The following SSC5D variants were observed in gnomAD, a reference collection of about 807,000 sequenced individuals.
SSC5D encodes the protein soluble scavenger receptor cysteine-rich domain-containing protein SSC5D.
In SSC5D, 106 loss-of-function variants were observed where a neutral mutation model predicts 104.6. The ratio of observed to expected loss-of-function variants is 1.01; its 90% CI spans 0.87 to 1.19. The LOEUF (loss-of-function observed/expected upper bound fraction) is 1.19, where lower values mean the gene tolerates loss of function less well. Ranked by LOEUF, SSC5D falls within the 50% of genes most tolerant of loss-of-function variation. The probability of loss-of-function intolerance (pLI) is 0.00; values close to 1 mark genes in which losing one functional copy is unlikely to be tolerated. For synonymous variants in SSC5D, 860 were observed against 883.5 expected, an observed-to-expected ratio of 0.97 and a Z score of 0.47; for missense variants, 1,993 against 2,153.8, an observed-to-expected ratio of 0.93 and a Z score of 1.48.
At chr19:55,494,517 G>A (rs1987254439) in intron 7 of SSC5D, 93 bp from the exon 8 acceptor site, 7 of 1,343,068 alleles carry the variant, frequency 5.2e-6, no homozygotes, top group Middle Eastern at 5.3e-4. Flanking sequence ...GTGCAGCTGA[G>A]AGGACTGAGG....
chr19:55,512,070 G>A (rs1987769012), intron 12 of SSC5D, among the ~76,000 whole-genome samples: 1 of 151,844 alleles, frequency 6.6e-6, no homozygotes, highest in Non-Finnish European at 1.5e-5. Context: ...CGGGCACGGT[G>A]GCTCACACCT....
rs1034054816 is a variant in SSC5D at position 55,488,544 on chromosome 19, C to G, written c.-46C>G. ...CCAGCTGCCTCCTCCTCTTCTCTCC[C>G]CGCTCTCCTTCCCCTTTCACCCCAT... is the stretch of plus-strand genomic sequence containing the variant. On this transcript the variant is annotated 5_prime_UTR_variant, in exon 1 of 14. Transcript: ENST00000389623. The G allele has an allele frequency of 3.9e-6, 6 of 1,540,240 alleles. No homozygotes were observed. Among genetic ancestry groups the G allele is most frequent in the Non-Finnish European group, 5.3e-6 (6 of 1,137,596 alleles).
At chr19:55,512,629 G>A (rs1987783701) in intron 12 of SSC5D, among the ~76,000 whole-genome samples, 1 of 151,984 alleles carries the variant, frequency 6.6e-6, no homozygotes, top group Non-Finnish European at 1.5e-5. Flanking sequence ...TTATAGGCGT[G>A]TGCCACCATA....
rs574901952 is a variant in SSC5D, at chr19:55,494,584, G to A, written c.1214-26G>A. ...CCGGGATGGAGGGTGTGTGTGGGTG[G>A]CAATCACTTACCCCCTGCTCCACAG... On this transcript the variant is annotated intron_variant, in intron 7 of 13. Coordinates refer to ENST00000389623, the MANE Select transcript of SSC5D (RefSeq NM_001144950.2). The A allele has an allele frequency of 4.0e-6, 6 of 1,485,666 alleles. No individual in the cohort carries two copies. In the South Asian group the frequency reaches 7.8e-5, roughly 19 times the overall value. The allele number at this position is 1,485,666 out of a possible 1,614,324, so 92.0% of individuals were successfully genotyped here.
rs1285047588 is a variant in SSC5D at position 55,518,645 on chromosome 19, C to T, written c.4369C>T (p.Leu1457Phe). ...HPLDHPPLDP[L>F]TLGPTPGQSP... is the part of the protein sequence containing the mutation. Reference sequence around the variant, plus strand: ...CTTGGATCATCCTCCCCTTGACCCCCTCACCCTAGGGCCAACTCCTGGTCA... The same window carrying T: ...CTTGGATCATCCTCCCCTTGACCCCTTCACCCTAGGGCCAACTCCTGGTCA... Residue 1457 changes from leucine to phenylalanine, a missense_variant, in exon 14 of 14, where the codon CTC (leucine) becomes TTC (phenylalanine). By Grantham distance (22) the Leu-to-Phe change is conservative. Coordinates refer to ENST00000389623, the MANE Select transcript of SSC5D (RefSeq NM_001144950.2). 3 of 1,536,038 alleles carry T rather than the reference C, an allele frequency of 2.0e-6. No individual in the cohort carries two copies. The highest frequency in any genetic ancestry group is 1.2e-5 in the South Asian group (1 of 81,624).
Position 55,488,570 on chromosome 19 carries a change from C to G in SSC5D, c.-20C>G. On this transcript the variant is annotated 5_prime_UTR_variant, in exon 1 of 14. The change creates a new upstream start codon in the 5' untranslated region. Transcript: ENST00000389623. ...CGCTCTCCTTCCCCTTTCACCCCATCCCCTGCCCTGGCTGCAACCATGAGG... is the reference window on the plus strand; with the variant it reads ...CGCTCTCCTTCCCCTTTCACCCCATGCCCTGCCCTGGCTGCAACCATGAGG... The G allele has an allele frequency of 6.5e-7, 1 of 1,549,814 alleles. No individual in the cohort carries two copies. The highest frequency in any genetic ancestry group is 1.7e-4 in the Middle Eastern group (1 of 5,988).
chr19:55,495,241 T>A (rs1269459338), intron 8 of SSC5D, among the ~76,000 whole-genome samples: 5,717 of 32,726 alleles, frequency 0.17, 680 homozygotes, highest in African/African-American at 0.29. Flanking sequence ...ATATTTTTTT[T>A]TTTTTTTTTT....
chr19:55,490,230 C>G, intron 4 of SSC5D, 68 bp from the exon 5 acceptor site: 1 of 661,750 alleles, frequency 1.5e-6, no homozygotes, highest in Non-Finnish European at 2.8e-6. Flanking sequence ...GAGACGGAGG[C>G]CTGGGCCCCC....
chr19:55,493,603 C>T lies in SSC5D; in HGVS notation c.904C>T (p.Pro302Ser), dbSNP rs1193860690. ...DAGLVCTGPA[P>S]RLRLADGPHG... ...CCTCTCCCACTATCCAGGCCCAGCA[C>T]CTCGGCTGCGCCTGGCCGATGGCCC... Residue 302 changes from proline to serine, a missense_variant, in exon 7 of 14, where the codon CCT becomes TCT. Physicochemically the swap from Pro to Ser is moderately conservative, Grantham distance 74 (BLOSUM62 -1). Transcript: ENST00000389623. 1.4e-6 allele frequency: 2 copies of T among 1,456,130 alleles called. No individual in the cohort carries two copies. The highest frequency in any genetic ancestry group is 5.3e-5 in the East Asian group (2 of 37,396). The allele number at this position is 1,456,130 out of a possible 1,614,324, so 90.2% of individuals were successfully genotyped here. A position where few individuals can be genotyped will look rare whatever the true frequency, so the allele number is the denominator to read the frequency against.
chr19:55,498,300 C>T (rs1048004914), intron 9 of SSC5D, 103 bp downstream of exon 9: 39 of 1,266,092 alleles, frequency 3.1e-5, no homozygotes, highest in Admixed American at 4.4e-5. Context: ...TAAGCCCCAG[C>T]CCTGTGCTGG....
In SSC5D at chr19:55,518,993, G is replaced by T. The variant is rs774177924; in HGVS notation, c.4717G>T (p.Val1573Leu). 3 of 1,550,066 alleles carry T rather than the reference G, an allele frequency of 1.9e-6. No homozygotes were observed. Among genetic ancestry groups the T allele is most frequent in the East Asian group, 2.4e-5 (1 of 40,912 alleles). ...AGAAGAAAGACCCCTGAGGGGAGACGTGTGACCCTCTCCAGGATTTGAGGG... is the reference window on the plus strand; with the variant it reads ...AGAAGAAAGACCCCTGAGGGGAGACTTGTGACCCTCTCCAGGATTTGAGGG... ...EEEERPLRGDV is the reference protein window; with the variant it reads ...EEEERPLRGDL The change falls in exon 14 of 14, where the codon GTG becomes TTG. Residue 1573 changes from valine (V) to leucine (L), a missense_variant. Transcript: ENST00000389623.
Position 55,518,569 on chromosome 19 carries a change from C to T in SSC5D, c.4293C>T (p.Ala1431=), listed in dbSNP as rs1311740247. The change falls in exon 14 of 14, where the codon GCC becomes GCT. Residue 1431 remains alanine (A), a synonymous_variant. Coordinates refer to ENST00000389623, the MANE Select transcript of SSC5D (RefSeq NM_001144950.2). ...TPPPTHTPHS[A]SDLTVSPDPL... is the part of the protein sequence containing the mutation. The stretch of plus-strand genomic sequence containing the variant: ...CACCCACCCATACCCCACACTCAGC[C>T]TCTGACCTTACTGTGTCCCCTGACC... The T allele has an allele frequency of 1.3e-6, 2 of 1,546,426 alleles. No individual in the cohort carries two copies. Among genetic ancestry groups the T allele is most frequent in the African/African-American group, 1.4e-5 (1 of 72,954 alleles).
chr19:55,495,232 T>TATATATA (rs1568476922), intron 8 of SSC5D, among the ~76,000 whole-genome samples: 18 of 41,084 alleles, frequency 4.4e-4, no homozygotes, highest in African/African-American at 1.6e-3. Context: ...TATATATATA[T>TATATATA]ATTTTTTTTT....
At chr19:55,497,783 G>A (rs1987360641) in intron 8 of SSC5D, 97 bp from the exon 9 acceptor site, 1 of 1,189,830 alleles carries the variant, frequency 8.4e-7, no homozygotes, top group Non-Finnish European at 1.2e-6. Flanking sequence ...CTAGATGGAT[G>A]AGTGGAAAGG....
rs1468117707 is a variant in SSC5D, at chr19:55,517,404, A to T, written c.3128A>T (p.Asp1043Val). 6.4e-7 allele frequency: 1 copy of T among 1,550,672 alleles called. No individual in the cohort carries two copies. The highest frequency in any genetic ancestry group is 1.2e-5 in the South Asian group (1 of 84,028). Reference sequence around the variant, plus strand: ...GCCTTGACGTCCGAGGCGACCTCTGACGCTCCGGACACTTCACCACCCACC... The same window carrying T: ...GCCTTGACGTCCGAGGCGACCTCTGTCGCTCCGGACACTTCACCACCCACC... ...HSALTSEATSDAPDTSPPTPD... is the reference protein window; with the variant it reads ...HSALTSEATSVAPDTSPPTPD... Residue 1043 changes from aspartate (D) to valine (V), a missense_variant, in exon 14 of 14, where the codon GAC (aspartate) becomes GTC (valine). By Grantham distance (152) the Asp-to-Val change is radical. Transcript: ENST00000389623.
intron 12 of SSC5D, among the ~76,000 whole-genome samples, chr19:55,510,932 C>T (rs536625695): frequency 6.6e-6 from 1 of 152,274 alleles, no homozygotes; most frequent in Non-Finnish European, 1.5e-5. Context: ...GTGCCCGCCA[C>T]CATGCCCAGC....
chr19:55,507,569 G>A (rs528997904), intron 12 of SSC5D, among the ~76,000 whole-genome samples: 9 of 150,396 alleles, frequency 6.0e-5, no homozygotes, highest in African/African-American at 2.2e-4. Context: ...GGGAGGCTGA[G>A]GCAGGAGAAT....
In SSC5D at chr19:55,488,607, C is replaced by T. The variant is rs921985242; in HGVS notation, c.18C>T (p.Cys6=). The change falls in exon 1 of 14, where the codon TGC becomes TGT. Residue 6 remains cysteine, a synonymous_variant. Coordinates refer to ENST00000389623, the MANE Select transcript of SSC5D (RefSeq NM_001144950.2). MRVLA[C]LLAALVGIQA... ...CTGCAACCATGAGGGTCTTGGCCTG[C>T]CTCCTTGGTGAGTGATCCATTCTCC... is the stretch of plus-strand genomic sequence containing the variant. 1.3e-5 allele frequency: 20 copies of T among 1,550,332 alleles called. No individual in the cohort carries two copies. The highest frequency in any genetic ancestry group is 1.7e-5 in the Non-Finnish European group (19 of 1,146,508).
chr19:55,488,960 C>T, intron 1 of SSC5D, 46 bp from the exon 2 acceptor site: 2 of 987,512 alleles, frequency 2.0e-6, no homozygotes, highest in South Asian at 1.9e-5. Flanking sequence ...AAGGGCCACC[C>T]CCGGCCTGCC....
Sources: allele counts gnomAD v4.1 joint callset (sites outside exome capture counted in the v4.1 genomes callset), GRCh38; gene constraint gnomAD v4.1.1; transcripts MANE v1.5; gene names NCBI Gene and HGNC (gene_info 2026-07-23, HGNC 2026-07-21).